PARP8: variants seen among roughly 807,000 people sequenced by gnomAD.
The protein encoded by PARP8 is protein mono-ADP-ribosyltransferase PARP8.
PARP8 carries 51 observed loss-of-function variants against 124.1 expected under a neutral mutation model. The observed-to-expected ratio is 0.41, with a 90% confidence interval of 0.33 to 0.52. PARP8 has a LOEUF of 0.52. Among genes scored for constraint, PARP8 ranks in the 20% least tolerant of loss-of-function variants. PARP8 has a pLI of 0.21. For missense variants in PARP8, 860 were observed against 1,018.9 expected (o/e 0.84, Z 2.12); for synonymous variants, 391 against 361.5 (o/e 1.08, Z -0.93).
At chr5:50,707,376 C>A (rs1334386370) in intron 2 of PARP8, among the ~76,000 whole-genome samples, 1 of 151,906 alleles carries the variant, frequency 6.6e-6, no homozygotes, top group African/African-American at 2.4e-5. Flanking sequence ...TTCTGTAGAG[C>A]TTTAAATTTA....
At chr5:50,725,810 T>A (rs1389444015) in intron 2 of PARP8, among the ~76,000 whole-genome samples, 1 of 152,160 alleles carries the variant, frequency 6.6e-6, no homozygotes, top group Non-Finnish European at 1.5e-5. Flanking sequence ...ATAATCAGTG[T>A]GTTCTTCTCT....
chr5:50,704,966 C>G (rs888993285), intron 2 of PARP8, among the ~76,000 whole-genome samples: 2 of 152,152 alleles, frequency 1.3e-5, no homozygotes, highest in African/African-American at 2.4e-5. Context: ...CAATGATTTA[C>G]TTCCTTGTAA....
At position 50,667,187 on chromosome 5, in the gene PARP8, G is replaced by T; in HGVS notation, c.91+1G>T. 6.3e-7 allele frequency: 1 copy of T among 1,596,330 alleles called. No homozygotes were observed. The highest frequency in any genetic ancestry group is 8.5e-7 in the Non-Finnish European group (1 of 1,179,740). ...GCTGAGAAGGACTGCCTGTTTGCAG[G>T]TGAGTTCTTGCTTTTCCAGAACCTC... On this transcript the variant is annotated splice_donor_variant, in intron 1 of 25. Transcript: ENST00000281631. LOFTEE classifies it high-confidence loss of function.
intron 14 of PARP8, among the ~76,000 whole-genome samples, chr5:50,805,703 A>G (rs1336087209): frequency 2.6e-5 from 4 of 152,116 alleles, no homozygotes; most frequent in Non-Finnish European, 5.9e-5. Context: ...TTATACTTTT[A>G]AAAAACATGT....
In PARP8 at chr5:50,705,720, G is replaced by T. The variant is rs116101552; in HGVS notation, c.146+37595G>T. ...GAGTCTCTTGAACCAGGAGGCAAAG[G>T]TTGCAGTGAGCCTGATCAAGCCACT... On this transcript the variant is annotated intron_variant, in intron 2 of 25. Transcript: ENST00000281631. Among the ~76,000 whole-genome samples, 1,220 of 152,186 alleles carry T rather than the reference G, an allele frequency of 8.0e-3. 11 individuals carry two copies. Among genetic ancestry groups the T allele is most frequent in the Middle Eastern group, 0.017 (5 of 292 alleles).
At position 50,783,721 on chromosome 5, in the gene PARP8, G is replaced by T. The variant is rs535048626; in HGVS notation, c.671-4802G>T. ...ACTTATGAAGAATGGAATTTTTATG[G>T]GTTGGTCTAATCTGAGCTGAGAGCA... On this transcript the variant is annotated intron_variant, in intron 9 of 25. Coordinates refer to ENST00000281631, the MANE Select transcript of PARP8 (RefSeq NM_024615.4). Among the ~76,000 whole-genome samples, 151 of 152,102 alleles carry T rather than the reference G, an allele frequency of 9.9e-4. 3 individuals are homozygous for T. The South Asian group carries it at 0.013, about 13-fold the overall frequency.
intron 14 of PARP8, among the ~76,000 whole-genome samples, chr5:50,809,329 A>AT (rs1176590898): frequency 1.3e-5 from 2 of 151,996 alleles, no homozygotes; most frequent in African/African-American, 2.4e-5. Context: ...TTATTCTTGC[A>AT]TTTTTTCAAT....
Position 50,841,998 on chromosome 5 carries a change from T to C in PARP8, c.2495T>C (p.Ile832Thr), listed in dbSNP as rs757994937. ...YEDGQVGDAN[I>T]NTQEGGIHKE... is the part of the protein sequence containing the mutation. Reference sequence around the variant, plus strand: ...GACGGCCAAGTGGGAGATGCAAATATTAATACACAAGAAGGAGGCATTCAC... The same window carrying C: ...GACGGCCAAGTGGGAGATGCAAATACTAATACACAAGAAGGAGGCATTCAC... Residue 832 changes from isoleucine to threonine, a missense_variant, in exon 26 of 26, where the codon ATT becomes ACT. Physicochemically the swap from Ile to Thr is moderately conservative, Grantham distance 89. Around this residue, in one of 2 missense-constraint regions of PARP8, gnomAD observed 343 missense variants for 474.7 expected, o/e 0.72. Coordinates refer to ENST00000281631, the MANE Select transcript of PARP8 (RefSeq NM_024615.4). 6.2e-7 allele frequency: 1 copy of C among 1,605,490 alleles called. No homozygotes were observed. The highest frequency in any genetic ancestry group is 8.5e-7 in the Non-Finnish European group (1 of 1,175,364).
chr5:50,737,543 T>G (rs1277562743), intron 2 of PARP8, among the ~76,000 whole-genome samples: 3 of 152,178 alleles, frequency 2.0e-5, no homozygotes, highest in Non-Finnish European at 4.4e-5. Context: ...AAAGAACTTC[T>G]TCATCAATAT....
chr5:50,742,853 G>T (rs1758187554), intron 2 of PARP8, among the ~76,000 whole-genome samples: 1 of 152,170 alleles, frequency 6.6e-6, no homozygotes, highest in South Asian at 2.1e-4. Context: ...CAGGTAGTCT[G>T]CAGGGGCAAG....
At chr5:50,821,127 C>A in intron 15 of PARP8, 86 bp from the exon 16 acceptor site, 1 of 1,494,070 alleles carries the variant, frequency 6.7e-7, no homozygotes, top group Non-Finnish European at 9.3e-7. Context: ...TCCTCATTAA[C>A]TTATGCTACC....
At position 50,844,094 on chromosome 5, in the gene PARP8, A is replaced by C. The variant is rs1485896252; in HGVS notation, c.*2026A>C. The C allele has an allele frequency of 6.6e-6, 1 of 151,854 alleles. No homozygotes were observed. Among genetic ancestry groups the C allele is most frequent in the Non-Finnish European group, 1.5e-5 (1 of 67,844 alleles). The allele number at this position is 151,854 out of a possible 1,614,324, so 9.4% of individuals were successfully genotyped here. Reference sequence around the variant, plus strand: ...AGTCTGAACTGGAACGGTAACTCGTAAGACTCAAGAAAGACCGTTTAAGGA... The same window carrying C: ...AGTCTGAACTGGAACGGTAACTCGTCAGACTCAAGAAAGACCGTTTAAGGA... On this transcript the variant is annotated 3_prime_UTR_variant, in exon 26 of 26. Coordinates refer to ENST00000281631, the MANE Select transcript of PARP8 (RefSeq NM_024615.4).
At chr5:50,775,456 G>A (rs1212477237) in intron 7 of PARP8, among the ~76,000 whole-genome samples, 1 of 152,134 alleles carries the variant, frequency 6.6e-6, no homozygotes, top group East Asian at 1.9e-4. Context: ...TCGGCAGGCT[G>A]AGGCAGGAGA....
chr5:50,719,553 G>A (rs1244966944), intron 2 of PARP8, among the ~76,000 whole-genome samples: 1 of 152,000 alleles, frequency 6.6e-6, no homozygotes, highest in Non-Finnish European at 1.5e-5. Flanking sequence ...TAGATATCCA[G>A]TTTTCTCAGC....
At chr5:50,783,458 A>G (rs1392663534) in intron 9 of PARP8, among the ~76,000 whole-genome samples, 1 of 152,144 alleles carries the variant, frequency 6.6e-6, no homozygotes, top group East Asian at 1.9e-4. Flanking sequence ...GATTTACATA[A>G]ATGCTATCGT....
chr5:50,787,443 T>G (rs1033989368), intron 9 of PARP8, among the ~76,000 whole-genome samples: 6 of 152,162 alleles, frequency 3.9e-5, no homozygotes, highest in African/African-American at 1.4e-4. Flanking sequence ...GCTGGGACAT[T>G]TTTTTCCTGC....
rs796467028 is a variant in PARP8 at position 50,773,830 on chromosome 5, TA to T, written c.519-4237del. Among the ~76,000 whole-genome samples, 559 of 142,028 alleles carry T rather than the reference TA, an allele frequency of 3.9e-3. 2 individuals are homozygous for T. The highest frequency in any genetic ancestry group is 0.014 in the African/African-American group (512 of 36,032). 93.2% of individuals were successfully genotyped at this position (142,028 alleles called of 152,430 possible). ...TTGTGTCCTGATGAACTTATTTCAT[TA>T]ATTTTTTTTTTTTTTTTTTAGTATT... On this transcript the variant is annotated intron_variant, in intron 7 of 25. Coordinates refer to ENST00000281631, the MANE Select transcript of PARP8 (RefSeq NM_024615.4).
intron 2 of PARP8, among the ~76,000 whole-genome samples, chr5:50,686,751 T>C (rs1452176567): frequency 6.6e-6 from 1 of 152,214 alleles, no homozygotes; most frequent in East Asian, 1.9e-4. Flanking sequence ...AGATGGAAGC[T>C]GCCAAGGCTT....
At chr5:50,685,236 A>G (rs1436186815) in intron 2 of PARP8, among the ~76,000 whole-genome samples, 1 of 152,150 alleles carries the variant, frequency 6.6e-6, no homozygotes, top group Non-Finnish European at 1.5e-5. Flanking sequence ...AGAATACCCA[A>G]CTCAGACTGG....
Sources: allele counts gnomAD v4.1 joint callset (sites outside exome capture counted in the v4.1 genomes callset), GRCh38; gene constraint gnomAD v4.1.1; regional missense constraint gnomAD v4.1.1; transcripts MANE v1.5; gene names NCBI Gene and HGNC (gene_info 2026-07-23, HGNC 2026-07-21).